The following KYAT1 variants were observed in gnomAD, a reference collection of about 807,000 sequenced individuals.
The protein encoded by KYAT1 is kynurenine aminotransferase 1.
In KYAT1, 47 loss-of-function variants were observed where a neutral mutation model predicts 52.4. That is an observed-to-expected ratio of 0.90 (90% confidence interval 0.71 to 1.14). The LOEUF is 1.14. KYAT1 is among the 50% of genes most tolerant of loss of function. KYAT1 has a pLI of 0.00. For synonymous variants in KYAT1, 212 were observed against 209.6 expected (o/e 1.01, Z -0.10); for missense variants, 480 against 557.9 (o/e 0.86, Z 1.41).
chr9:128,871,600 T>C (rs1351825796), intron 1 of KYAT1, among the ~76,000 whole-genome samples: 2 of 151,796 alleles, frequency 1.3e-5, no homozygotes, highest in Non-Finnish European at 2.9e-5. Flanking sequence ...TGGTCCCAGC[T>C]ACTCAGGAGG....
intron 1 of KYAT1, among the ~76,000 whole-genome samples, chr9:128,869,031 G>T (rs1836840198): frequency 6.6e-6 from 1 of 151,900 alleles, no homozygotes; most frequent in Admixed American, 6.6e-5. Context: ...TAGAGACGGG[G>T]GTCTCACTAT....
At chr9:128,861,954 C>T (rs544359674) in intron 1 of KYAT1, among the ~76,000 whole-genome samples, 43 of 152,336 alleles carry the variant, frequency 2.8e-4, no homozygotes, top group African/African-American at 1.0e-3. Flanking sequence ...CTTGCTACTT[C>T]TTCTAGGACT....
chr9:128,835,270 C>T (rs1589613229), intron 11 of KYAT1, 53 bp downstream of exon 11: 1 of 1,479,788 alleles, frequency 6.8e-7, no homozygotes, highest in Admixed American at 1.7e-5. Context: ...CACCCTTGAG[C>T]AGCACACAAC....
intron 3 of KYAT1, chr9:128,842,111 G>C (rs777610419): frequency 2.7e-6 from 1 of 364,636 alleles, no homozygotes; most frequent in Non-Finnish European, 5.7e-6. Flanking sequence ...AGGACCACTT[G>C]AGACTGGCAG....
At chr9:128,837,498 C>T (rs1589626960) in intron 6 of KYAT1, among the ~76,000 whole-genome samples, 187 bp downstream of exon 6, 2 of 152,338 alleles carry the variant, frequency 1.3e-5, no homozygotes, top group Middle Eastern at 6.8e-3. Flanking sequence ...TGTCCCAGCC[C>T]TCAGGCCTTC....
chr9:128,870,981 T>A (rs1302582089), intron 1 of KYAT1, among the ~76,000 whole-genome samples: 1 of 152,022 alleles, frequency 6.6e-6, no homozygotes, highest in Non-Finnish European at 1.5e-5. Flanking sequence ...GGTAATTTTT[T>A]AAAAGGGTTG....
intron 5 of KYAT1, 83 bp from the exon 6 acceptor site, chr9:128,837,896 C>T: frequency 6.5e-7 from 1 of 1,538,222 alleles, no homozygotes; most frequent in Non-Finnish European, 9.0e-7. Context: ...CACCTTCTCT[C>T]CCCTGGGATC....
At chr9:128,837,059 C>A in intron 6 of KYAT1, 137 bp from the exon 7 acceptor site, 1 of 1,092,556 alleles carries the variant, frequency 9.2e-7, no homozygotes, top group Non-Finnish European at 1.3e-6. Context: ...TTTGGGAGGC[C>A]GAGGCGGGCG....
intron 1 of KYAT1, among the ~76,000 whole-genome samples, chr9:128,876,323 G>C (rs1435581389): frequency 6.6e-6 from 1 of 151,274 alleles, no homozygotes; most frequent in Non-Finnish European, 1.5e-5. Flanking sequence ...CTGGGCTCAA[G>C]TGATCCTCTG....
At chr9:128,847,132 A>G (rs1833225916) in intron 1 of KYAT1, among the ~76,000 whole-genome samples, 1 of 152,084 alleles carries the variant, frequency 6.6e-6, no homozygotes, top group South Asian at 2.1e-4. Flanking sequence ...ATGGCCCAGG[A>G]ACCCCACCGC....
At chr9:128,873,373 A>T (rs201091347) in intron 1 of KYAT1, among the ~76,000 whole-genome samples, 1 of 151,646 alleles carries the variant, frequency 6.6e-6, no homozygotes, top group African/African-American at 2.4e-5. Context: ...GAAAAAAAAA[A>T]AAAACTAATA....
Position 128,837,765 on chromosome 9 carries a change from C to G in KYAT1, c.487G>C (p.Asp163His), listed in dbSNP as rs777048004. ...ELGSSSNWQL[D>H]PMELAGKFTS... ...AATTTGCCGGCCAGCTCCATGGGGT[C>G]CAGCTGCCAGTTGCTGCTGGAACCC... is the stretch of plus-strand genomic sequence containing the variant. The change falls in exon 6 of 13, where the codon GAC (aspartate) becomes CAC (histidine). Residue 163 changes from aspartate to histidine, a missense_variant. Asp to His is a moderately conservative substitution (Grantham distance 81). Transcript: ENST00000302586. 2 of 1,614,002 alleles carry G rather than the reference C, an allele frequency of 1.2e-6. No individual in the cohort carries two copies. The highest frequency in any genetic ancestry group is 1.7e-6 in the Non-Finnish European group (2 of 1,179,954).
At chr9:128,846,469 C>A (rs1051227890) in intron 1 of KYAT1, among the ~76,000 whole-genome samples, 1 of 151,802 alleles carries the variant, frequency 6.6e-6, no homozygotes, top group East Asian at 1.9e-4. Context: ...CGTCATGACA[C>A]ATGCCTGTAA....
chr9:128,879,142 C>A (rs1460576129), intron 1 of KYAT1, among the ~76,000 whole-genome samples: 1 of 152,182 alleles, frequency 6.6e-6, no homozygotes, highest in African/African-American at 2.4e-5. Context: ...AACCCCGTCT[C>A]TACTAAAAAT....
intron 1 of KYAT1, among the ~76,000 whole-genome samples, chr9:128,875,681 G>T (rs113010295): frequency 1.6e-4 from 24 of 152,000 alleles, no homozygotes; most frequent in African/African-American, 5.8e-4. Context: ...CAGGTGATCT[G>T]GCAGCACCGA....
chr9:128,881,955 C>T (rs1839000091), upstream of KYAT1: 1 of 152,314 alleles, frequency 6.6e-6, no homozygotes, highest in South Asian at 2.1e-4. Context: ...TGCAGCAGTC[C>T]CTGTCCCTTT....
At chr9:128,881,038 C>T (rs949636960) in intron 1 of KYAT1, among the ~76,000 whole-genome samples, 18 of 152,230 alleles carry the variant, frequency 1.2e-4, no homozygotes, top group Non-Finnish European at 1.3e-4. Flanking sequence ...GATACGCCCA[C>T]CCTCAGGCGT....
chr9:128,874,723 T>A (rs61010924), intron 1 of KYAT1, among the ~76,000 whole-genome samples: 1 of 118,102 alleles, frequency 8.5e-6, no homozygotes, highest in Non-Finnish European at 1.8e-5. Context: ...TAATCCTGCC[T>A]TTTTTTTTTT....
At chr9:128,869,131 C>T (rs147843871) in intron 1 of KYAT1, among the ~76,000 whole-genome samples, 36 of 149,014 alleles carry the variant, frequency 2.4e-4, no homozygotes, top group Admixed American at 1.9e-3. Flanking sequence ...GGAGCCACTG[C>T]GCCTGGCCTT....
Sources: gnomAD v4.1 joint callset for allele counts (sites outside exome capture counted in the v4.1 genomes callset) on GRCh38, gnomAD v4.1.1 for gene constraint, MANE v1.5 for transcripts, NCBI Gene and HGNC (gene_info 2026-07-23, HGNC 2026-07-21) for gene names.